The following NEK10 variants were observed in gnomAD, a reference collection of about 807,000 sequenced individuals.
The protein encoded by NEK10 is serine/threonine-protein kinase Nek10.
A neutral mutation model predicts 159.8 loss-of-function variants in NEK10; 122 were observed. The observed-to-expected ratio is 0.76, with a 90% CI of 0.66 to 0.89. The LOEUF is 0.89. Among genes scored for constraint, NEK10 ranks in the 40% least tolerant of loss-of-function variants. The pLI is 0.00. For synonymous variants in NEK10, 466 were observed against 457.1 expected, an observed-to-expected ratio of 1.02 and a Z score of -0.25; for missense variants, 1,342 against 1,323.1, an observed-to-expected ratio of 1.01 and a Z score of -0.22.
At chr3:27,129,265 G>C (rs1000012762) in intron 32 of NEK10, among the ~76,000 whole-genome samples, 1 of 152,114 alleles carries the variant, frequency 6.6e-6, no homozygotes, top group Non-Finnish European at 1.5e-5. Flanking sequence ...CTGGGTCTTA[G>C]GCTATTAGTA....
At chr3:27,187,772 AAAAG>A (rs1559574432) in intron 26 of NEK10, among the ~76,000 whole-genome samples, 1 of 151,970 alleles carries the variant, frequency 6.6e-6, no homozygotes, top group East Asian at 1.9e-4. Flanking sequence ...AAAAAAAAAA[AAAAG>A]AAAGAATTAG....
At chr3:27,188,100 T>C (rs955204431) in intron 26 of NEK10, among the ~76,000 whole-genome samples, 3 of 152,214 alleles carry the variant, frequency 2.0e-5, no homozygotes, top group African/African-American at 4.8e-5. Context: ...GTTTGATTCT[T>C]AGTATTAAGT....
chr3:27,336,507 T>C (rs1231862173), intron 5 of NEK10, among the ~76,000 whole-genome samples: 2 of 152,024 alleles, frequency 1.3e-5, no homozygotes, highest in Admixed American at 6.5e-5. Context: ...AGGCCAGCAT[T>C]ACCCTAATAA....
intron 35 of NEK10, among the ~76,000 whole-genome samples, chr3:27,112,156 T>A (rs745603763): frequency 2.4e-4 from 37 of 152,206 alleles, no homozygotes; most frequent in Non-Finnish European, 5.1e-4. Context: ...TCTTCCTAAC[T>A]GTCCAAGCAG....
chr3:27,129,069 C>T (rs921760527), intron 32 of NEK10, among the ~76,000 whole-genome samples: 1 of 152,070 alleles, frequency 6.6e-6, no homozygotes, highest in Admixed American at 6.6e-5. Flanking sequence ...TCTGTTTCCC[C>T]TTTCCTCCAT....
intron 25 of NEK10, among the ~76,000 whole-genome samples, chr3:27,193,133 A>T (rs945679621): frequency 6.6e-6 from 1 of 152,156 alleles, no homozygotes; most frequent in African/African-American, 2.4e-5. Context: ...TTGAAAAGAA[A>T]ATCCACACTT....
intron 29 of NEK10, among the ~76,000 whole-genome samples, chr3:27,169,172 T>G (rs1346128714): frequency 6.6e-6 from 1 of 152,212 alleles, no homozygotes; most frequent in Non-Finnish European, 1.5e-5. Flanking sequence ...AAAACTCACT[T>G]AATTGGGAGT....
intron 6 of NEK10, among the ~76,000 whole-genome samples, chr3:27,321,608 G>C (rs1005386559): frequency 3.9e-5 from 6 of 152,176 alleles, no homozygotes; most frequent in Admixed American, 2.6e-4. Flanking sequence ...GGGAGGTGGA[G>C]AGTGCTAGGA....
At position 27,202,487 on chromosome 3, in the gene NEK10, G is replaced by T; in HGVS notation, c.2161C>A (p.Gln721Lys). Reference protein sequence around the residue: ...DVWAVGCILYQMATLSPPFYS... With the variant: ...DVWAVGCILYKMATLSPPFYS... Reference sequence around the variant, plus strand: ...AAGGGGGGACTCAAAGTCGCCATCTGATAAAGGATGCAGCCTACTGCCCAG... The same window carrying T: ...AAGGGGGGACTCAAAGTCGCCATCTTATAAAGGATGCAGCCTACTGCCCAG... The change falls in exon 24 of 36, where the codon CAG (glutamine) becomes AAG (lysine). Residue 721 changes from glutamine (Q) to lysine (K), a missense_variant. By Grantham distance (53) the Gln-to-Lys change is moderately conservative (BLOSUM62 1). Coordinates refer to ENST00000691995, the MANE Select transcript of NEK10 (RefSeq NM_001394966.1). 1 of 1,613,576 alleles carries T rather than the reference G, an allele frequency of 6.2e-7. No homozygotes were observed. The highest frequency in any genetic ancestry group is 8.5e-7 in the Non-Finnish European group (1 of 1,179,742).
intron 23 of NEK10, among the ~76,000 whole-genome samples, chr3:27,224,443 G>A (rs1330282011): frequency 6.6e-6 from 1 of 152,188 alleles, no homozygotes; most frequent in Non-Finnish European, 1.5e-5. Context: ...AAAGAATCTG[G>A]AGGTTAAATA....
At chr3:27,179,496 A>G (rs968369662) in intron 26 of NEK10, among the ~76,000 whole-genome samples, 1 of 152,246 alleles carries the variant, frequency 6.6e-6, no homozygotes, top group Non-Finnish European at 1.5e-5. Context: ...CTGTTATCCC[A>G]TAACTAACCT....
At chr3:27,277,855 G>T (rs1306982293) in intron 22 of NEK10, among the ~76,000 whole-genome samples, 1 of 152,200 alleles carries the variant, frequency 6.6e-6, no homozygotes. Flanking sequence ...AGTTTTAAGA[G>T]CCACGGCATG....
intron 20 of NEK10, 21 bp downstream of exon 20, chr3:27,287,677 A>T: frequency 6.4e-7 from 1 of 1,559,142 alleles, no homozygotes; most frequent in Non-Finnish European, 8.6e-7. Flanking sequence ...ATTTAGAAAT[A>T]TCATGAAAAC....
chr3:27,253,278 T>C (rs9867715), intron 23 of NEK10, among the ~76,000 whole-genome samples: 1,829 of 152,256 alleles, frequency 0.012, 19 homozygotes, highest in African/African-American at 0.024. Context: ...ATAAATCCCA[T>C]ATATGTTCTG....
chr3:27,313,125 C>T (rs900423863), intron 7 of NEK10, among the ~76,000 whole-genome samples: 22 of 151,106 alleles, frequency 1.5e-4, no homozygotes, highest in Non-Finnish European at 2.9e-4. Context: ...ATGATCCGGG[C>T]ATGGTGGCGC....
At chr3:27,162,911 C>A (rs56678211) in intron 29 of NEK10, 173 bp from the exon 30 acceptor site, 1 of 376,320 alleles carries the variant, frequency 2.7e-6, no homozygotes, top group African/African-American at 2.2e-5. Flanking sequence ...ATAAACAGTA[C>A]AATTGACATT....
Position 27,111,235 on chromosome 3 carries a change from C to T in NEK10, c.*37G>A, listed in dbSNP as rs1258257808. 2 of 1,597,442 alleles carry T rather than the reference C, an allele frequency of 1.3e-6. No individual in the cohort carries two copies. Among genetic ancestry groups the T allele is most frequent in the East Asian group, 2.2e-5 (1 of 44,516 alleles). ...CGGCTGAAGTCCAGAACTTGAACTT[C>T]ACTGAGAAAATCAAGTCCACTCAAA... On this transcript the variant is annotated 3_prime_UTR_variant, in exon 36 of 36. Coordinates refer to ENST00000691995, the MANE Select transcript of NEK10 (RefSeq NM_001394966.1).
At chr3:27,364,348 T>TTTTG (rs1431340158) in intron 1 of NEK10, among the ~76,000 whole-genome samples, 35 of 120,658 alleles carry the variant, frequency 2.9e-4, no homozygotes, top group African/African-American at 1.1e-3. Context: ...GCCTGGCTAA[T>TTTTG]TGTGTGTGTG....
chr3:27,149,162 C>G (rs1266305486), intron 30 of NEK10, among the ~76,000 whole-genome samples: 3 of 151,410 alleles, frequency 2.0e-5, no homozygotes, highest in Non-Finnish European at 4.4e-5. Context: ...ATCAGTGATT[C>G]CCTCACTGCT....
Sources: allele counts gnomAD v4.1 joint callset (sites outside exome capture counted in the v4.1 genomes callset), GRCh38; gene constraint gnomAD v4.1.1; transcripts MANE v1.5; gene names NCBI Gene and HGNC (gene_info 2026-07-23, HGNC 2026-07-21).